The following C15orf61 variants were observed in gnomAD, a reference collection of about 807,000 sequenced individuals.
C15orf61 encodes the protein chromosome 15 open reading frame 61.
C15orf61 carries 12 observed loss-of-function variants against 13.7 expected under a neutral mutation model. The ratio of observed to expected loss-of-function variants is 0.88; its 90% CI spans 0.56 to 1.42. The LOEUF is 1.42. C15orf61 is among the 40% of genes most tolerant of loss of function. The pLI, the probability that C15orf61 is intolerant of heterozygous loss-of-function variation, is 0.00. For synonymous variants in C15orf61, 92 were observed against 94.1 expected, an observed-to-expected ratio of 0.98 and a Z score of 0.13; for missense variants, 248 against 213.2, an observed-to-expected ratio of 1.16 and a Z score of -1.02.
Position 67,526,953 on chromosome 15 carries a change from A to G in C15orf61, c.*408A>G, listed in dbSNP as rs1210414318. The G allele has an allele frequency of 6.5e-6, 1 of 152,866 alleles. No homozygotes were observed. The highest frequency in any genetic ancestry group is 2.4e-5 in the African/African-American group (1 of 41,480). The allele number at this position is 152,866 out of a possible 1,614,324, so 9.5% of individuals were successfully genotyped here. On this transcript the variant is annotated 3_prime_UTR_variant, in exon 2 of 2. Coordinates refer to ENST00000342683, the MANE Select transcript of C15orf61 (RefSeq NM_001143936.2). Reference sequence around the variant, plus strand: ...AAAGAAGTAGAAGACATTAGGATGTATGATGGAAATATTACATCATTGGCA... The same window carrying G: ...AAAGAAGTAGAAGACATTAGGATGTGTGATGGAAATATTACATCATTGGCA...
chr15:67,524,479 A>G (rs2084187424), intron 1 of C15orf61, among the ~76,000 whole-genome samples: 2 of 152,058 alleles, frequency 1.3e-5, no homozygotes, highest in South Asian at 2.1e-4. Context: ...TGAGGTATTC[A>G]GAGATTCTTT....
In C15orf61 at chr15:67,521,394, C is replaced by T. The variant is rs1356851410; in HGVS notation, c.146C>T (p.Thr49Ile). 8.4e-6 allele frequency: 13 copies of T among 1,542,060 alleles called. No homozygotes were observed. In the Admixed American group the frequency reaches 2.2e-4, roughly 26 times the overall value. Residue 49 changes from threonine to isoleucine, a missense_variant, in exon 1 of 2, where the codon ACC (threonine) becomes ATC (isoleucine). Coordinates refer to ENST00000342683, the MANE Select transcript of C15orf61 (RefSeq NM_001143936.2). ...CTGCAGCGGCGCCTGCCGCACTGGA[C>T]CTCCTTCTGCGTGCCCTACAGCGCC... The part of the protein sequence containing the change: ...HLLQRRLPHW[T>I]SFCVPYSAVR...
In C15orf61 at chr15:67,528,731, T is replaced by TG. The variant is rs564883313; in HGVS notation, c.*2187dup. On this transcript the variant is annotated 3_prime_UTR_variant, in exon 2 of 2. Coordinates refer to ENST00000342683, the MANE Select transcript of C15orf61 (RefSeq NM_001143936.2). ...TTAGTATTGGTGCTGTCTTACTTTT[T>TG]GACCTCAGGCTAATAACTCTCCTCC... 22 of 152,332 alleles carry TG rather than the reference T, an allele frequency of 1.4e-4. No individual in the cohort carries two copies. In the East Asian group the frequency reaches 2.7e-3, roughly 19 times the overall value. 9.4% of individuals were successfully genotyped at this position (152,332 alleles called of 1,614,324 possible).
rs1033270715 is a variant in C15orf61 at position 67,525,929 on chromosome 15, G to T, written c.347-489G>T. Among the ~76,000 whole-genome samples, 3 of 152,134 alleles carry T rather than the reference G, an allele frequency of 2.0e-5. No homozygotes were observed. The highest frequency in any genetic ancestry group is 4.4e-5 in the Non-Finnish European group (3 of 68,022). On this transcript the variant is annotated intron_variant, in intron 1 of 1. Transcript: ENST00000342683. This position sits in a 1 kb window ranked among gnomAD's most constrained non-coding sequence, Gnocchi z 4.9. Reference sequence around the variant, plus strand: ...CTCAGGAGGCTGAGGCAGGAGAATCGCTTGAACCCAGGAGGCGGAGGTGGC... The same window carrying T: ...CTCAGGAGGCTGAGGCAGGAGAATCTCTTGAACCCAGGAGGCGGAGGTGGC...
At position 67,529,011 on chromosome 15, in the gene C15orf61, C is replaced by T. The variant is rs1294771118; in HGVS notation, c.*2466C>T. The T allele has an allele frequency of 1.3e-5, 2 of 152,084 alleles. No individual in the cohort carries two copies. Among genetic ancestry groups the T allele is most frequent in the African/African-American group, 4.8e-5 (2 of 41,402 alleles). 9.4% of individuals were successfully genotyped at this position (152,084 alleles called of 1,614,324 possible). On this transcript the variant is annotated 3_prime_UTR_variant, in exon 2 of 2. Coordinates refer to ENST00000342683, the MANE Select transcript of C15orf61 (RefSeq NM_001143936.2). This position sits in a 1 kb window ranked among gnomAD's most constrained non-coding sequence, Gnocchi z 4.4. ...AGTGGCATGTGGGGAGCTGAAGAGG[C>T]CCTTCTCTTCTGCATATCAGTAGTT...
At chr15:67,523,109 A>T (rs960562618) in intron 1 of C15orf61, among the ~76,000 whole-genome samples, 1 of 152,226 alleles carries the variant, frequency 6.6e-6, no homozygotes, top group South Asian at 2.1e-4. Context: ...CATTCTAAAA[A>T]TCCTGCTAAA....
chr15:67,526,290 A>C (rs1349334550), intron 1 of C15orf61, 128 bp from the exon 2 acceptor site: 4 of 597,882 alleles, frequency 6.7e-6, no homozygotes, highest in Middle Eastern at 4.4e-4. Flanking sequence ...ATCAGAGTCA[A>C]TGTTGATTAA....
Position 67,521,216 on chromosome 15 carries a change from G to T in C15orf61, c.-33G>T. 1 of 1,192,358 alleles carries T rather than the reference G, an allele frequency of 8.4e-7. No homozygotes were observed. The highest frequency in any genetic ancestry group is 4.2e-5 in the South Asian group (1 of 23,690). The allele number at this position is 1,192,358 out of a possible 1,614,324, so 73.9% of individuals were successfully genotyped here. A position where few individuals can be genotyped will look rare whatever the true frequency, so the allele number is the denominator to read the frequency against. ...GGCGCGCTTGCGCGCCAGCGGCTGC[G>T]GACACCAGCCTGCGTCCCCGGCGCG... On this transcript the variant is annotated 5_prime_UTR_variant, in exon 1 of 2. Transcript: ENST00000342683.
Position 67,526,425 on chromosome 15 carries a change from A to C in C15orf61, c.354A>C (p.Pro118=). Residue 118 remains proline (P), a synonymous_variant, in exon 2 of 2, where the codon CCA becomes CCC. Transcript: ENST00000342683. ...TALKVVNLGI[P]TLLYGLGSWL... is the part of the protein sequence containing the mutation. ...TATTCGTTTGTTTTCTAGGTATTCC[A>C]ACTTTATTATATGGACTTGGCTCCT... is the stretch of plus-strand genomic sequence containing the variant. The C allele has an allele frequency of 6.6e-7, 1 of 1,525,422 alleles. No individual in the cohort carries two copies. Among genetic ancestry groups the C allele is most frequent in the Non-Finnish European group, 8.9e-7 (1 of 1,126,080 alleles). The allele number at this position is 1,525,422 out of a possible 1,614,324, so 94.5% of individuals were successfully genotyped here. A position where few individuals can be genotyped will look rare whatever the true frequency, so the allele number is the denominator to read the frequency against.
At position 67,527,633 on chromosome 15, in the gene C15orf61, TAC is replaced by T. The variant is rs1450881089; in HGVS notation, c.*1092_*1093del. Reference sequence around the variant, plus strand: ...TGTGTTGCTGATACTCTGCAACACTTACACATTTTTGTAGCAAAACATTTTAT... The same window carrying T: ...TGTGTTGCTGATACTCTGCAACACTTACATTTTTGTAGCAAAACATTTTAT... On this transcript the variant is annotated 3_prime_UTR_variant, in exon 2 of 2. Coordinates refer to ENST00000342683, the MANE Select transcript of C15orf61 (RefSeq NM_001143936.2). 1 of 152,116 alleles carries T rather than the reference TAC, an allele frequency of 6.6e-6. No individual in the cohort carries two copies. The allele number at this position is 152,116 out of a possible 1,614,324, so 9.4% of individuals were successfully genotyped here. A position where few individuals can be genotyped will look rare whatever the true frequency, so the allele number is the denominator to read the frequency against.
At position 67,521,396 on chromosome 15, in the gene C15orf61, T is replaced by TC. The variant is rs1490463594; in HGVS notation, c.150dup (p.Phe51LeufsTer100). 2 of 1,542,086 alleles carry TC rather than the reference T, an allele frequency of 1.3e-6. No individual in the cohort carries two copies. Among genetic ancestry groups the TC allele is most frequent in the African/African-American group, 2.7e-5 (2 of 73,014 alleles). ...GCAGCGGCGCCTGCCGCACTGGACCTCCTTCTGCGTGCCCTACAGCGCCGT... is the reference window on the plus strand; with the variant it reads ...GCAGCGGCGCCTGCCGCACTGGACCTCCCTTCTGCGTGCCCTACAGCGCCGT... On this transcript the variant is annotated frameshift_variant, in exon 1 of 2. Transcript: ENST00000342683. LOFTEE classifies it high-confidence loss of function.
chr15:67,526,233 C>A (rs542663590), intron 1 of C15orf61, among the ~76,000 whole-genome samples, 185 bp from the exon 2 acceptor site: 1 of 152,260 alleles, frequency 6.6e-6, no homozygotes, highest in East Asian at 1.9e-4. Context: ...TCTGGACTCA[C>A]GTGATTGCCA....
Position 67,526,788 on chromosome 15 carries a change from A to C in C15orf61, c.*243A>C. ...AGCTTCACACCATTTTTTCCCTAGA[A>C]CTAGGTTAACCTACAGATAAAAAAT... is the stretch of plus-strand genomic sequence containing the variant. On this transcript the variant is annotated 3_prime_UTR_variant, in exon 2 of 2. Coordinates refer to ENST00000342683, the MANE Select transcript of C15orf61 (RefSeq NM_001143936.2). The C allele has an allele frequency of 3.3e-6, 1 of 301,426 alleles. No homozygotes were observed. The highest frequency in any genetic ancestry group is 5.0e-5 in the Admixed American group (1 of 19,938). The allele number at this position is 301,426 out of a possible 1,614,324, so 18.7% of individuals were successfully genotyped here.
chr15:67,526,287 T>A (rs1290522044), intron 1 of C15orf61, 131 bp from the exon 2 acceptor site: 1 of 588,130 alleles, frequency 1.7e-6, no homozygotes, highest in Non-Finnish European at 2.8e-6. Context: ...ATAATCAGAG[T>A]CAATGTTGAT....
chr15:67,521,361 G>A lies in C15orf61; in HGVS notation c.113G>A (p.Arg38Gln), dbSNP rs1567251581. The change falls in exon 1 of 2, where the codon CGG becomes CAG. Residue 38 changes from arginine to glutamine, a missense_variant. By Grantham distance (43) the Arg-to-Gln change is conservative (BLOSUM62 1). Transcript: ENST00000342683. Reference protein sequence around the residue: ...PKPSASEVLTRHLLQRRLPHW... With the variant: ...PKPSASEVLTQHLLQRRLPHW... ...CCCAGCGCCTCGGAGGTGCTGACGCGGCATCTGCTGCAGCGGCGCCTGCCG... is the reference window on the plus strand; with the variant it reads ...CCCAGCGCCTCGGAGGTGCTGACGCAGCATCTGCTGCAGCGGCGCCTGCCG... The A allele has an allele frequency of 2.0e-6, 3 of 1,537,416 alleles. No homozygotes were observed. Among genetic ancestry groups the A allele is most frequent in the Non-Finnish European group, 2.6e-6 (3 of 1,146,140 alleles).
chr15:67,522,533 T>C (rs977108685), intron 1 of C15orf61, among the ~76,000 whole-genome samples: 2 of 152,254 alleles, frequency 1.3e-5, no homozygotes, highest in Non-Finnish European at 2.9e-5. Context: ...AGTCGTGGGC[T>C]TTTTGAGCCG....
rs1357566882 is a variant in C15orf61, at chr15:67,521,385, C to A, written c.137C>A (p.Pro46Gln). 1.3e-6 allele frequency: 2 copies of A among 1,540,558 alleles called. No homozygotes were observed. Among genetic ancestry groups the A allele is most frequent in the South Asian group, 2.4e-5 (2 of 84,042 alleles). The change falls in exon 1 of 2, where the codon CCG (proline) becomes CAG (glutamine). Residue 46 changes from proline to glutamine, a missense_variant. Physicochemically the swap from Pro to Gln is moderately conservative, Grantham distance 76. Transcript: ENST00000342683. ...LTRHLLQRRL[P>Q]HWTSFCVPYS... ...CGGCATCTGCTGCAGCGGCGCCTGC[C>A]GCACTGGACCTCCTTCTGCGTGCCC...
chr15:67,521,760 G>A, intron 1 of C15orf61, 166 bp downstream of exon 1: 1 of 754,516 alleles, frequency 1.3e-6, no homozygotes, highest in Non-Finnish European at 2.1e-6. Context: ...CTCGCCCAGG[G>A]GGTCCCCAGC....
intron 1 of C15orf61, chr15:67,522,258 TG>T: frequency 1.4e-6 from 1 of 700,408 alleles, no homozygotes. Context: ...AACATGGACA[TG>T]GGTGTATCTT....
Sources: allele counts gnomAD v4.1 joint callset (sites outside exome capture counted in the v4.1 genomes callset), GRCh38; gene constraint gnomAD v4.1.1; non-coding constraint Gnocchi (gnomAD v3.1); transcripts MANE v1.5; gene names NCBI Gene and HGNC (gene_info 2026-07-23, HGNC 2026-07-21).